Variants in MARCHF1 observed in about 807,000 individuals in gnomAD.
MARCHF1 encodes the protein E3 ubiquitin-protein ligase MARCHF1.
A neutral mutation model predicts 54.2 loss-of-function variants in MARCHF1; 40 were observed. The ratio of observed to expected loss-of-function variants is 0.74; its 90% confidence interval spans 0.57 to 0.96. MARCHF1 has a LOEUF of 0.96. Among genes scored for constraint, MARCHF1 ranks in the 40% least tolerant of loss-of-function variants. MARCHF1 has a pLI of 0.00. For missense variants in MARCHF1, 586 were observed against 656.5 expected (o/e 0.89, Z 1.17); for synonymous variants, 236 against 236.3 (o/e 1.00, Z 0.01).
chr4:164,360,881 G>A (rs1051846282), intron 1 of MARCHF1, among the ~76,000 whole-genome samples: 8 of 151,930 alleles, frequency 5.3e-5, no homozygotes, highest in Non-Finnish European at 1.0e-4. Flanking sequence ...TAAACTATAG[G>A]TACTATTTCT....
chr4:163,705,535 T>A (rs564888532), intron 4 of MARCHF1, among the ~76,000 whole-genome samples: 8 of 152,082 alleles, frequency 5.3e-5, no homozygotes, highest in Admixed American at 3.3e-4. Flanking sequence ...TCAGGACACC[T>A]GTCAACATAA....
At chr4:163,816,264 G>A (rs966663238) in intron 4 of MARCHF1, among the ~76,000 whole-genome samples, 1 of 152,150 alleles carries the variant, frequency 6.6e-6, no homozygotes, top group Non-Finnish European at 1.5e-5. Flanking sequence ...CAATAGTCAG[G>A]AGATTACTTT....
intron 2 of MARCHF1, among the ~76,000 whole-genome samples, chr4:164,050,299 A>AAAAAAAAAAAC (rs1754336325): frequency 6.7e-6 from 1 of 148,656 alleles, no homozygotes; most frequent in African/African-American, 2.5e-5. Context: ...AAAAAAAAAA[A>AAAAAAAAAAAC]AAAAAAGGCC....
chr4:164,304,235 C>T (rs917074966), intron 1 of MARCHF1, among the ~76,000 whole-genome samples: 1 of 152,144 alleles, frequency 6.6e-6, no homozygotes, highest in African/African-American at 2.4e-5. Flanking sequence ...TGAAGATAAT[C>T]CATGAACACA....
intron 1 of MARCHF1, among the ~76,000 whole-genome samples, chr4:164,244,366 A>C (rs1006965490): frequency 6.6e-5 from 10 of 152,172 alleles, no homozygotes; most frequent in African/African-American, 1.9e-4. Flanking sequence ...TACTGGGTAC[A>C]TAACGAAATG....
intron 1 of MARCHF1, among the ~76,000 whole-genome samples, chr4:164,230,357 T>A (rs1185347853): frequency 6.6e-6 from 1 of 150,810 alleles, no homozygotes; most frequent in Non-Finnish European, 1.5e-5. Context: ...GTGGCGCCAT[T>A]GCACTCCAGC....
chr4:163,954,821 A>G (rs1752199908), intron 3 of MARCHF1, among the ~76,000 whole-genome samples: 1 of 152,212 alleles, frequency 6.6e-6, no homozygotes, highest in Non-Finnish European at 1.5e-5. Context: ...AAAACCAAGT[A>G]GCCATGCTTT....
chr4:163,656,611 A>C (rs940291493), intron 5 of MARCHF1, among the ~76,000 whole-genome samples: 1 of 152,050 alleles, frequency 6.6e-6, no homozygotes, highest in Non-Finnish European at 1.5e-5. Flanking sequence ...ACAACAAAAA[A>C]ACTTCAGGCC....
At chr4:164,183,328 G>A (rs749061500) in intron 1 of MARCHF1, among the ~76,000 whole-genome samples, 2 of 152,032 alleles carry the variant, frequency 1.3e-5, no homozygotes, top group African/African-American at 2.4e-5. Context: ...TGGTATTTGA[G>A]AATTATCTGT....
chr4:163,787,495 G>A (rs928473973), intron 4 of MARCHF1, among the ~76,000 whole-genome samples: 7 of 151,436 alleles, frequency 4.6e-5, no homozygotes, highest in Non-Finnish European at 8.9e-5. Context: ...CTAATCCTTC[G>A]GAAAATGCAA....
rs1180217441 is a variant in MARCHF1 at position 163,902,459 on chromosome 4, C to T, written c.-38-48290G>A. Among the ~76,000 whole-genome samples, 4 of 152,132 alleles carry T rather than the reference C, an allele frequency of 2.6e-5. No individual in the cohort carries two copies. In the East Asian group the frequency reaches 7.7e-4, roughly 29 times the overall value. On this transcript the variant is annotated intron_variant, in intron 3 of 9. Coordinates refer to ENST00000514618, the MANE Select transcript of MARCHF1 (RefSeq NM_001394959.1). ...ACCTGCAGACATGAAGTGTTTTATA[C>T]TTATTGATGTTGGCCCCTTTTTTAA...
intron 1 of MARCHF1, among the ~76,000 whole-genome samples, chr4:164,177,009 T>TATATATATATATATATATATATATACAC (rs1553989397): frequency 1.8e-5 from 1 of 55,572 alleles, no homozygotes; most frequent in African/African-American, 7.2e-5. Context: ...TATATATATA[T>TATATATATATATATATATATATATACAC]ACAAATGATA....
chr4:163,839,105 T>A (rs115244908), intron 4 of MARCHF1, among the ~76,000 whole-genome samples: 1 of 151,950 alleles, frequency 6.6e-6, no homozygotes, highest in South Asian at 2.1e-4. Context: ...GGATAGCTAA[T>A]AAACACAGGA....
At chr4:164,098,406 T>C (rs115235942) in intron 2 of MARCHF1, among the ~76,000 whole-genome samples, 124 of 152,272 alleles carry the variant, frequency 8.1e-4, no homozygotes, top group African/African-American at 2.7e-3. Flanking sequence ...CAGGAAGTGC[T>C]TGTTTGGAAG....
At chr4:164,101,180 CGG>C (rs1755547633) in intron 2 of MARCHF1, among the ~76,000 whole-genome samples, 1 of 152,092 alleles carries the variant, frequency 6.6e-6, no homozygotes, top group Non-Finnish European at 1.5e-5. Flanking sequence ...GCAGCGAGGC[CGG>C]GGGAGGGGCA....
chr4:163,678,137 C>T (rs1743978886), intron 5 of MARCHF1, among the ~76,000 whole-genome samples: 2 of 152,138 alleles, frequency 1.3e-5, no homozygotes, highest in South Asian at 2.1e-4. Flanking sequence ...AGATGGAATT[C>T]CTTGATTCTC....
At chr4:164,004,789 GAAAT>G (rs1753254090) in intron 2 of MARCHF1, among the ~76,000 whole-genome samples, 2 of 151,786 alleles carry the variant, frequency 1.3e-5, no homozygotes, top group South Asian at 2.1e-4. Flanking sequence ...AAAACATTGG[GAAAT>G]AAATAAAAAT....
intron 1 of MARCHF1, among the ~76,000 whole-genome samples, chr4:164,311,664 A>AT (rs1734853170): frequency 6.6e-6 from 1 of 152,100 alleles, no homozygotes; most frequent in South Asian, 2.1e-4. Context: ...TTGTTTGAAC[A>AT]TTTTTTCCAT....
intron 1 of MARCHF1, among the ~76,000 whole-genome samples, chr4:164,118,077 A>C (rs1315028947): frequency 6.6e-6 from 1 of 152,058 alleles, no homozygotes; most frequent in Non-Finnish European, 1.5e-5. Flanking sequence ...AAAAAGGAAC[A>C]AACAACCCAA....
Sources: allele counts gnomAD v4.1 joint callset (sites outside exome capture counted in the v4.1 genomes callset), GRCh38; gene constraint gnomAD v4.1.1; transcripts MANE v1.5; gene names NCBI Gene and HGNC (gene_info 2026-07-23, HGNC 2026-07-21).